Variants in LRBA observed in about 807,000 individuals in gnomAD.
LRBA encodes lipopolysaccharide-responsive and beige-like anchor protein.
A neutral mutation model predicts 330.0 loss-of-function variants in LRBA; 176 were observed. The ratio of observed to expected loss-of-function variants is 0.53; its 90% CI spans 0.47 to 0.60. The LOEUF is 0.60. Among genes scored for constraint, LRBA ranks in the 20% least tolerant of loss-of-function variants. The pLI, the probability that LRBA is intolerant of heterozygous loss-of-function variation, is 0.00. For synonymous variants in LRBA, 1,230 were observed against 1,193.0 expected (o/e 1.03, Z -0.64); for missense variants, 3,259 against 3,444.8 (o/e 0.95, Z 1.35).
chr4:150,806,177 TAAAC>T, intron 33 of LRBA, 90 bp downstream of exon 33: 1 of 977,364 alleles, frequency 1.0e-6, no homozygotes, highest in Admixed American at 2.8e-5. Flanking sequence ...TGACAACACT[TAAAC>T]AATGAAACTC....
chr4:150,949,720 T>A (rs182270545), intron 2 of LRBA, among the ~76,000 whole-genome samples: 1 of 151,468 alleles, frequency 6.6e-6, no homozygotes, highest in East Asian at 2.0e-4. Flanking sequence ...CCTAAATGAA[T>A]CTTCAATTGG....
At position 150,436,819 on chromosome 4, in the gene LRBA, G is replaced by T. The variant is rs373106840; in HGVS notation, c.6826C>A (p.Arg2276Ser). 33 of 1,613,514 alleles carry T rather than the reference G, an allele frequency of 2.0e-5. No individual in the cohort carries two copies. Among genetic ancestry groups the T allele is most frequent in the Non-Finnish European group, 2.5e-5 (30 of 1,179,772 alleles). ...TGATCATCTTCCCATGATTCATAACGCTCAGCGAAGAATGCTGCTCTTTTT... is the reference window on the plus strand; with the variant it reads ...TGATCATCTTCCCATGATTCATAACTCTCAGCGAAGAATGCTGCTCTTTTT... The part of the protein sequence containing the change: ...NPKRAAFFAE[R>S]YESWEDDQVP... The change falls in exon 45 of 57, where the codon CGT becomes AGT. Residue 2276 changes from arginine to serine, a missense_variant. By Grantham distance (110) the Arg-to-Ser change is moderately radical. Transcript: ENST00000651943.
At chr4:150,439,345 A>T (rs1419448903) in intron 44 of LRBA, among the ~76,000 whole-genome samples, 1 of 152,158 alleles carries the variant, frequency 6.6e-6, no homozygotes, top group Non-Finnish European at 1.5e-5. Flanking sequence ...TCTGAAAAAA[A>T]ATGGCATCTT....
intron 2 of LRBA, among the ~76,000 whole-genome samples, chr4:150,980,134 G>A (rs1404825621): frequency 6.6e-6 from 1 of 152,160 alleles, no homozygotes; most frequent in Non-Finnish European, 1.5e-5. Flanking sequence ...TCATGACCAA[G>A]TGAGATTTAT....
At chr4:150,388,385 T>A (rs952881669) in intron 47 of LRBA, among the ~76,000 whole-genome samples, 2 of 152,228 alleles carry the variant, frequency 1.3e-5, no homozygotes, top group Non-Finnish European at 1.5e-5. Context: ...GCAAAATGCA[T>A]TAATTCCATC....
intron 53 of LRBA, 85 bp from the exon 54 acceptor site, chr4:150,286,119 A>G: frequency 1.1e-6 from 1 of 916,274 alleles, no homozygotes; most frequent in Non-Finnish European, 1.7e-6. Context: ...AATTTCCATC[A>G]TGCCTATTTA....
intron 28 of LRBA, among the ~76,000 whole-genome samples, chr4:150,839,610 C>T (rs748910616): frequency 5.9e-5 from 9 of 152,080 alleles, no homozygotes; most frequent in Non-Finnish European, 1.3e-4. Context: ...AGCTGGAAAC[C>T]ATCATTCTCA....
chr4:150,454,703 T>A (rs1197677757), intron 44 of LRBA, among the ~76,000 whole-genome samples: 1 of 152,060 alleles, frequency 6.6e-6, no homozygotes, highest in Non-Finnish European at 1.5e-5. Context: ...GAGTGTACCA[T>A]AGGTGATCTT....
At chr4:150,598,487 T>C (rs1773752833) in intron 38 of LRBA, among the ~76,000 whole-genome samples, 1 of 152,188 alleles carries the variant, frequency 6.6e-6, no homozygotes, top group East Asian at 1.9e-4. Context: ...ATGTTTATTC[T>C]CTTTTTCCAT....
At chr4:150,660,440 C>T (rs1251935528) in intron 37 of LRBA, among the ~76,000 whole-genome samples, 3 of 147,786 alleles carry the variant, frequency 2.0e-5, no homozygotes, top group Non-Finnish European at 3.0e-5. Context: ...AAGTGAGGAG[C>T]CCCTCTGCCC....
At chr4:150,870,420 T>C in intron 20 of LRBA, 105 bp downstream of exon 20, 1 of 718,512 alleles carries the variant, frequency 1.4e-6, no homozygotes, top group East Asian at 2.5e-5. Flanking sequence ...TAATGAAACA[T>C]TCATCTAACA....
chr4:150,916,486 A>T lies in LRBA; in HGVS notation c.809T>A (p.Val270Asp). The change falls in exon 7 of 57, where the codon GTT becomes GAT. Residue 270 changes from valine to aspartate, a missense_variant. Val to Asp is a radical substitution (Grantham distance 152). Coordinates refer to ENST00000651943, the MANE Select transcript of LRBA (RefSeq NM_001364905.1). ...TGATGTTACAATCAAACAGCCTCCA[A>T]CAAAATGAGCAGAATAGCCAAGACC... ...SKGLGYSAHFVGGCLIVTSIK... is the reference protein window; with the variant it reads ...SKGLGYSAHFDGGCLIVTSIK... 1 of 1,613,884 alleles carries T rather than the reference A, an allele frequency of 6.2e-7. No homozygotes were observed. Among genetic ancestry groups the T allele is most frequent in the South Asian group, 1.1e-5 (1 of 91,074 alleles).
At chr4:150,925,804 A>C (rs1653389079) in intron 4 of LRBA, among the ~76,000 whole-genome samples, 3 of 152,216 alleles carry the variant, frequency 2.0e-5, no homozygotes, top group Non-Finnish European at 2.9e-5. Context: ...AATAATGTGA[A>C]TATAAATAAA....
intron 47 of LRBA, among the ~76,000 whole-genome samples, chr4:150,387,027 C>CT (rs1037021742): frequency 1.3e-5 from 2 of 152,018 alleles, no homozygotes; most frequent in Non-Finnish European, 2.9e-5. Flanking sequence ...TGATGTTGAG[C>CT]TTTTTTTCAC....
intron 42 of LRBA, among the ~76,000 whole-genome samples, chr4:150,481,575 TC>T (rs1358823229): frequency 1.3e-5 from 2 of 152,056 alleles, no homozygotes. Flanking sequence ...TTGCCCCAAC[TC>T]TTGGCCCCTG....
Position 150,921,261 on chromosome 4 carries a change from TAACAC to T in LRBA, c.577_581del (p.Val193LysfsTer10). On this transcript the variant is annotated frameshift_variant, in exon 5 of 57. Coordinates refer to ENST00000651943, the MANE Select transcript of LRBA (RefSeq NM_001364905.1). LOFTEE classifies it high-confidence loss of function. Reference sequence around the variant, plus strand: ...GACCATACTTCTGAGGCATATGCTTTAACACAGACAGCAACTTCCCAGCATGTGGA... The same window carrying T: ...GACCATACTTCTGAGGCATATGCTTTAGACAGCAACTTCCCAGCATGTGGA... 6.2e-7 allele frequency: 1 copy of T among 1,613,088 alleles called. No homozygotes were observed. Among genetic ancestry groups the T allele is most frequent in the Non-Finnish European group, 8.5e-7 (1 of 1,179,092 alleles).
chr4:150,540,233 G>T (rs1431245728), intron 40 of LRBA, among the ~76,000 whole-genome samples: 1 of 152,164 alleles, frequency 6.6e-6, no homozygotes, highest in Non-Finnish European at 1.5e-5. Flanking sequence ...TGTTGTTGTT[G>T]TTGGGAGACG....
At chr4:150,277,513 C>G (rs1451854847) in intron 56 of LRBA, among the ~76,000 whole-genome samples, 1 of 152,136 alleles carries the variant, frequency 6.6e-6, no homozygotes, top group Admixed American at 6.5e-5. Context: ...GAGAACTCAG[C>G]CTTTGTCCAA....
At chr4:150,748,171 T>C (rs1733007795) in intron 35 of LRBA, among the ~76,000 whole-genome samples, 1 of 152,194 alleles carries the variant, frequency 6.6e-6, no homozygotes, top group South Asian at 2.1e-4. Flanking sequence ...AACTATTAAA[T>C]ACATCACATA....
Sources: allele counts gnomAD v4.1 joint callset (sites outside exome capture counted in the v4.1 genomes callset), GRCh38; gene constraint gnomAD v4.1.1; transcripts MANE v1.5; gene names NCBI Gene and HGNC (gene_info 2026-07-23, HGNC 2026-07-21).